The following MSH3 variants were observed in gnomAD, a reference collection of about 807,000 sequenced individuals.
MSH3 encodes DNA mismatch repair protein Msh3.
Under a neutral mutation model 123.3 loss-of-function variants are expected in MSH3, and 106 were observed. The observed-to-expected ratio is 0.86, with a 90% CI of 0.73 to 1.01. The LOEUF is 1.01. Ranked by LOEUF, MSH3 falls within the 50% of genes least tolerant of loss-of-function variation. The pLI is 0.00. For missense variants in MSH3, 1,459 were observed against 1,347.6 expected, an observed-to-expected ratio of 1.08 and a Z score of -1.29; for synonymous variants, 515 against 481.4, an observed-to-expected ratio of 1.07 and a Z score of -0.91.
At chr5:80,794,717 G>A (rs1744668303) in intron 19 of MSH3, among the ~76,000 whole-genome samples, 1 of 152,240 alleles carries the variant, frequency 6.6e-6, no homozygotes, top group South Asian at 2.1e-4. Context: ...AGTTGTCCAT[G>A]TGAATGTTGA....
chr5:80,710,000 A>G (rs1580577637), intron 8 of MSH3, among the ~76,000 whole-genome samples: 1 of 152,192 alleles, frequency 6.6e-6, no homozygotes, highest in Admixed American at 6.5e-5. Flanking sequence ...TGCCTTTCTT[A>G]CCCAATTACA....
chr5:80,843,757 T>G (rs1426653749), intron 20 of MSH3, among the ~76,000 whole-genome samples: 1 of 152,154 alleles, frequency 6.6e-6, no homozygotes, highest in Non-Finnish European at 1.5e-5. Context: ...AATGTCCCCT[T>G]TATCATTTTT....
intron 8 of MSH3, among the ~76,000 whole-genome samples, chr5:80,700,090 A>T (rs1561448490): frequency 2.0e-5 from 3 of 152,166 alleles, no homozygotes; most frequent in African/African-American, 7.2e-5. Context: ...ATTAGAAAAT[A>T]AATTGTGGGC....
chr5:80,872,206 A>G (rs903006639), intron 22 of MSH3, among the ~76,000 whole-genome samples: 1 of 152,166 alleles, frequency 6.6e-6, no homozygotes, highest in Non-Finnish European at 1.5e-5. Context: ...ATGGTGGTTC[A>G]TGCCTGTAAT....
Position 80,864,875 on chromosome 5 carries a change from C to T in MSH3, c.3063C>T (p.Tyr1021=), listed in dbSNP as rs1356909014. ...YPPVCELEKN[Y]SHQVGNYHMG... ...CAGTTTGTGAACTAGAAAAAAATTA[C>T]TCACACCAGGTGGGGAATTACCACA... The change falls in exon 22 of 24, where the codon TAC becomes TAT. Residue 1021 remains tyrosine (Y), a synonymous_variant. Transcript: ENST00000265081. 1 of 1,613,422 alleles carries T rather than the reference C, an allele frequency of 6.2e-7. No individual in the cohort carries two copies.
intron 20 of MSH3, among the ~76,000 whole-genome samples, chr5:80,851,809 A>G (rs1414636750): frequency 6.6e-6 from 1 of 152,170 alleles, no homozygotes; most frequent in Non-Finnish European, 1.5e-5. Context: ...ATAACTAATT[A>G]GCTAGCATCT....
At chr5:80,743,064 C>T (rs953981114) in intron 11 of MSH3, among the ~76,000 whole-genome samples, 2 of 152,056 alleles carry the variant, frequency 1.3e-5, no homozygotes, top group Non-Finnish European at 2.9e-5. Flanking sequence ...CCCACCGCCC[C>T]TCGCCCACCT....
chr5:80,777,369 TCTTTC>T (rs564289861), intron 16 of MSH3, among the ~76,000 whole-genome samples: 53 of 152,230 alleles, frequency 3.5e-4, no homozygotes, highest in Middle Eastern at 3.4e-3. Context: ...TTGCAGGCAT[TCTTTC>T]CTTTATCTGT....
chr5:80,863,296 A>T (rs1746044464), intron 21 of MSH3, among the ~76,000 whole-genome samples: 1 of 152,188 alleles, frequency 6.6e-6, no homozygotes, highest in Non-Finnish European at 1.5e-5. Flanking sequence ...TCCTGAGAAC[A>T]TGCGCCCAAG....
chr5:80,819,928 A>T (rs2112064339), intron 20 of MSH3, among the ~76,000 whole-genome samples: 1 of 152,344 alleles, frequency 6.6e-6, no homozygotes, highest in Non-Finnish European at 1.5e-5. Flanking sequence ...ATGCCAAGAA[A>T]GCCCCTGTCT....
At chr5:80,679,857 C>G (rs1055911974) in intron 8 of MSH3, among the ~76,000 whole-genome samples, 2 of 152,082 alleles carry the variant, frequency 1.3e-5, no homozygotes, top group Non-Finnish European at 2.9e-5. Flanking sequence ...GGAAAGAGAC[C>G]AGAAAGGTGT....
chr5:80,760,901 A>G (rs1317424396), intron 12 of MSH3, among the ~76,000 whole-genome samples: 3 of 152,158 alleles, frequency 2.0e-5, no homozygotes, highest in Non-Finnish European at 4.4e-5. Context: ...ACTGAGGTAC[A>G]TGGCCATACC....
intron 2 of MSH3, among the ~76,000 whole-genome samples, chr5:80,662,466 C>G (rs1749457421): frequency 1.3e-5 from 2 of 152,152 alleles, no homozygotes; most frequent in South Asian, 2.1e-4. Flanking sequence ...TATTTCATCT[C>G]TGTTTTTAAC....
chr5:80,674,542 A>G lies in MSH3; in HGVS notation c.1028-441A>G, dbSNP rs548021061. ...GAAGTGGGTTGATATTTGGGCCTCC[A>G]TGGGGTCTGGTGTACTCCACTAAGC... On this transcript the variant is annotated intron_variant, in intron 6 of 23. Transcript: ENST00000265081. 1.8e-3 allele frequency among the ~76,000 whole-genome samples: 270 copies of G among 152,278 alleles called. 1 individual carries two copies. The highest frequency in any genetic ancestry group is 6.3e-3 in the African/African-American group (261 of 41,560).
Position 80,716,628 on chromosome 5 carries a change from T to C in MSH3, c.1341-8825T>C, listed in dbSNP as rs138799584. 5.8e-4 allele frequency among the ~76,000 whole-genome samples: 88 copies of C among 152,322 alleles called. 1 individual carries two copies. In the East Asian group the frequency reaches 0.016, roughly 28 times the overall value. On this transcript the variant is annotated intron_variant, in intron 8 of 23. Transcript: ENST00000265081. ...CTTGATTCATAATATTTATACATAT[T>C]TATGGGGTACATGTGATATTTTCAT...
chr5:80,701,759 C>A (rs2112838363), intron 8 of MSH3, among the ~76,000 whole-genome samples: 1 of 152,282 alleles, frequency 6.6e-6, no homozygotes, highest in Middle Eastern at 3.4e-3. Flanking sequence ...TCCTGTCGAA[C>A]CTCCCTGCTG....
At chr5:80,797,243 A>G (rs1228633761) in intron 19 of MSH3, among the ~76,000 whole-genome samples, 2 of 152,068 alleles carry the variant, frequency 1.3e-5, no homozygotes, top group Non-Finnish European at 2.9e-5. Context: ...ACCAAATTAT[A>G]ATCATTCTTT....
At chr5:80,827,640 C>CT (rs1745343642) in intron 20 of MSH3, among the ~76,000 whole-genome samples, 1 of 152,176 alleles carries the variant, frequency 6.6e-6, no homozygotes, top group Non-Finnish European at 1.5e-5. Flanking sequence ...AAAATGTCAT[C>CT]TTATCAATAT....
rs759451700 is a variant in MSH3 at position 80,854,208 on chromosome 5, A to G, written c.2892A>G (p.Arg964=). The stretch of plus-strand genomic sequence containing the variant: ...TGACTGACACAGCAGAAATAATCAG[A>G]AAAGCAACATCACAGTCCTTGGTTA... ...EELTDTAEII[R]KATSQSLVIL... Residue 964 remains arginine (R), a synonymous_variant, in exon 21 of 24, where the codon AGA becomes AGG. Coordinates refer to ENST00000265081, the MANE Select transcript of MSH3 (RefSeq NM_002439.5). 4 of 1,613,988 alleles carry G rather than the reference A, an allele frequency of 2.5e-6. No homozygotes were observed. Among genetic ancestry groups the G allele is most frequent in the East Asian group, 2.2e-5 (1 of 44,844 alleles).
Sources: gnomAD v4.1 joint callset for allele counts (sites outside exome capture counted in the v4.1 genomes callset) on GRCh38, gnomAD v4.1.1 for gene constraint, MANE v1.5 for transcripts, NCBI Gene and HGNC (gene_info 2026-07-23, HGNC 2026-07-21) for gene names.